Variants in FRMD6 observed in about 807,000 individuals in gnomAD.
FRMD6 encodes the protein FERM domain-containing protein 6.
Under a neutral mutation model 73.2 loss-of-function variants are expected in FRMD6, and 37 were observed. The observed-to-expected ratio is 0.51, with a 90% confidence interval of 0.39 to 0.66. The LOEUF is 0.66. Ranked by LOEUF, FRMD6 falls within the 30% of genes least tolerant of loss-of-function variation. The pLI is 0.00. For synonymous variants in FRMD6, 273 were observed against 282.2 expected (o/e 0.97, Z 0.33); for missense variants, 714 against 780.5 (o/e 0.91, Z 1.02).
At chr14:51,467,813 G>A in the FRMD6 span, among the ~76,000 whole-genome samples, 2 of 151,136 alleles carry the variant, frequency 1.3e-5, no homozygotes, top group Non-Finnish European at 3.0e-5. Context: ...CAGACTGGGC[G>A]GCCGGGCAGA....
intron 1 of FRMD6, among the ~76,000 whole-genome samples, chr14:51,503,047 G>A (rs760306496): frequency 6.6e-6 from 1 of 152,172 alleles, no homozygotes; most frequent in Non-Finnish European, 1.5e-5. Context: ...CATTGATTTT[G>A]TATACTGATA....
intron 2 of FRMD6, among the ~76,000 whole-genome samples, chr14:51,589,644 A>G (rs7161284): frequency 0.97 from 148,374 of 152,340 alleles, 72,283 homozygotes; most frequent in East Asian, 1. Flanking sequence ...TGGTTCTGGA[A>G]TTGGGGACAG....
chr14:51,612,492 C>T (rs1950927), intron 2 of FRMD6, among the ~76,000 whole-genome samples: 28,951 of 152,162 alleles, frequency 0.19, 3,265 homozygotes, highest in East Asian at 0.34. Flanking sequence ...GCCAGGTAAC[C>T]GGCTACATGA....
chr14:51,426,222 T>G, the FRMD6 span, among the ~76,000 whole-genome samples: 2 of 152,146 alleles, frequency 1.3e-5, no homozygotes, highest in Non-Finnish European at 2.9e-5. Context: ...ACCTTCTACT[T>G]CTCTTGGAAC....
intron 2 of FRMD6, among the ~76,000 whole-genome samples, chr14:51,577,801 T>C (rs1596642337): frequency 1.3e-5 from 2 of 152,310 alleles, no homozygotes; most frequent in South Asian, 4.2e-4. Context: ...CTTTTCTCTT[T>C]TTTTTGTACT....
At chr14:51,406,001 G>T in the FRMD6 span, among the ~76,000 whole-genome samples, 3 of 152,078 alleles carry the variant, frequency 2.0e-5, no homozygotes, top group Non-Finnish European at 4.4e-5. Context: ...ATCTTGAGTA[G>T]ATTTTTGTAT....
At chr14:51,497,021 A>G (rs1336291914) in intron 1 of FRMD6, among the ~76,000 whole-genome samples, 2 of 152,146 alleles carry the variant, frequency 1.3e-5, no homozygotes, top group African/African-American at 4.8e-5. Flanking sequence ...CCACCATACA[A>G]TGTTGAAACA....
chr14:51,549,447 G>A (rs6572772), intron 1 of FRMD6, among the ~76,000 whole-genome samples: 7,445 of 152,116 alleles, frequency 0.049, 183 homozygotes, highest in Non-Finnish European at 0.056. Flanking sequence ...GCGAGGTTTG[G>A]TTTGTGGAAG....
At chr14:51,579,079 GC>G (rs1257155894) in intron 2 of FRMD6, 11 of 152,230 alleles carry the variant, frequency 7.2e-5, no homozygotes, top group Non-Finnish European at 1.0e-4. Flanking sequence ...TTTGGAGAGT[GC>G]CCTGCCACAG....
the FRMD6 span, among the ~76,000 whole-genome samples, chr14:51,462,107 G>GGAAA: frequency 1.3e-5 from 2 of 151,872 alleles, no homozygotes; most frequent in Non-Finnish European, 2.9e-5. Context: ...AAAGAAGGAA[G>GGAAA]GAAAGAGAAG....
At chr14:51,637,323 T>C (rs781395121) in intron 2 of FRMD6, 1 of 152,212 alleles carries the variant, frequency 6.6e-6, no homozygotes, top group Admixed American at 6.5e-5. Flanking sequence ...AAGAAACATT[T>C]TGAATAAAAA....
chr14:51,540,316 A>C (rs993583489), intron 1 of FRMD6, among the ~76,000 whole-genome samples: 1 of 152,174 alleles, frequency 6.6e-6, no homozygotes, highest in Non-Finnish European at 1.5e-5. Context: ...AAATGTTTGC[A>C]TACAGAGAAA....
intron 3 of FRMD6, among the ~76,000 whole-genome samples, chr14:51,700,299 T>C (rs1896222002): frequency 1.3e-5 from 2 of 152,086 alleles, no homozygotes; most frequent in African/African-American, 4.8e-5. Context: ...TTGGGAAATA[T>C]GAAAACGTTT....
Position 51,595,482 on chromosome 14 carries a change from C to T in FRMD6, c.-147+25072C>T, listed in dbSNP as rs1372870938. Among the ~76,000 whole-genome samples the T allele has an allele frequency of 3.9e-5, 6 of 152,248 alleles. No homozygotes were observed. The East Asian group carries it at 9.6e-4, about 24-fold the overall frequency. On this transcript the variant is annotated intron_variant, in intron 2 of 14. Transcript: ENST00000356218. ...GACCAAAATCTACTTCCAGGGCAGACAGGGATATGAAAGTATTGTTAACAG... is the reference window on the plus strand; with the variant it reads ...GACCAAAATCTACTTCCAGGGCAGATAGGGATATGAAAGTATTGTTAACAG...
chr14:51,611,495 T>C (rs1296271943), intron 2 of FRMD6, among the ~76,000 whole-genome samples: 1 of 152,202 alleles, frequency 6.6e-6, no homozygotes, highest in Non-Finnish European at 1.5e-5. Flanking sequence ...AACCTGGGCA[T>C]TGAAATTTTG....
chr14:51,500,774 A>G (rs72673948), intron 1 of FRMD6, among the ~76,000 whole-genome samples: 19,140 of 151,612 alleles, frequency 0.13, 1,373 homozygotes, highest in Non-Finnish European at 0.16. Flanking sequence ...GTGTGTGTGT[A>G]TATACACACA....
intron 2 of FRMD6, among the ~76,000 whole-genome samples, chr14:51,585,960 T>TATATATATATATATATATATA (rs369811499): frequency 1.1e-5 from 1 of 91,326 alleles, no homozygotes; most frequent in Admixed American, 1.3e-4. Flanking sequence ...TATATATATA[T>TATATATATATATATATATATA]AACATTTTCT....
chr14:51,583,432 G>A (rs1463155380), intron 2 of FRMD6, among the ~76,000 whole-genome samples: 2 of 152,152 alleles, frequency 1.3e-5, no homozygotes, highest in Non-Finnish European at 2.9e-5. Flanking sequence ...CTACATGCAC[G>A]AAACAATTTA....
chr14:51,580,393 T>A (rs76920348), intron 2 of FRMD6, among the ~76,000 whole-genome samples: 3,321 of 152,318 alleles, frequency 0.022, 118 homozygotes, highest in African/African-American at 0.076. Flanking sequence ...TATGTCACTG[T>A]GCTAAGTGCT....
Sources: gnomAD v4.1 joint callset for allele counts (sites outside exome capture counted in the v4.1 genomes callset) on GRCh38, gnomAD v4.1.1 for gene constraint, MANE v1.5 for transcripts, NCBI Gene and HGNC (gene_info 2026-07-23, HGNC 2026-07-21) for gene names.